ADAM12: variants seen among roughly 807,000 people sequenced by gnomAD.
The protein encoded by ADAM12 is ADAM metallopeptidase domain 12.
A neutral mutation model predicts 106.4 loss-of-function variants in ADAM12; 70 were observed. That is an observed-to-expected ratio of 0.66 (90% CI 0.54 to 0.80). The LOEUF is 0.80. Among genes scored for constraint, ADAM12 ranks in the 30% least tolerant of loss-of-function variants. The probability of loss-of-function intolerance (pLI) is 0.00; values close to 1 mark genes in which losing one functional copy is unlikely to be tolerated. For synonymous variants in ADAM12, 420 were observed against 433.5 expected, an observed-to-expected ratio of 0.97 and a Z score of 0.39; for missense variants, 1,010 against 1,171.9, an observed-to-expected ratio of 0.86 and a Z score of 2.02.
intron 1 of ADAM12, among the ~76,000 whole-genome samples, chr10:126,373,732 C>T (rs1255346318): frequency 6.6e-6 from 1 of 152,160 alleles, no homozygotes; most frequent in Non-Finnish European, 1.5e-5. Flanking sequence ...CTTTCTACTA[C>T]AAACACAGAA....
At chr10:126,254,602 G>C (rs772484980) in intron 3 of ADAM12, among the ~76,000 whole-genome samples, 5 of 152,132 alleles carry the variant, frequency 3.3e-5, no homozygotes, top group African/African-American at 4.8e-5. Context: ...CCAGGCGGGA[G>C]GCCCTTTCCT....
intron 11 of ADAM12, among the ~76,000 whole-genome samples, chr10:126,084,162 A>C (rs1159938447): frequency 6.6e-6 from 1 of 152,094 alleles, no homozygotes. Flanking sequence ...TGCAAATATA[A>C]TTTCCCAGAA....
At chr10:126,144,877 C>T (rs929530074) in intron 4 of ADAM12, among the ~76,000 whole-genome samples, 15 of 152,178 alleles carry the variant, frequency 9.9e-5, no homozygotes, top group East Asian at 5.8e-4. Flanking sequence ...TCTGTTTCAT[C>T]GTCACATCCC....
At chr10:126,362,186 A>G (rs1170792828) in intron 1 of ADAM12, among the ~76,000 whole-genome samples, 5 of 152,182 alleles carry the variant, frequency 3.3e-5, no homozygotes, top group Admixed American at 2.6e-4. Context: ...ATATGAAAAA[A>G]AGTCCAACAT....
chr10:126,284,847 T>C (rs993473903), intron 2 of ADAM12, among the ~76,000 whole-genome samples: 1 of 152,256 alleles, frequency 6.6e-6, no homozygotes, highest in African/African-American at 2.4e-5. Flanking sequence ...TTCACTTTGA[T>C]TTGTCCTCCT....
chr10:126,182,651 T>C (rs529737298), intron 3 of ADAM12, among the ~76,000 whole-genome samples: 67 of 152,224 alleles, frequency 4.4e-4, no homozygotes, highest in African/African-American at 1.3e-3. Flanking sequence ...TTCATGTAAG[T>C]TGCTGCGGGG....
Position 126,064,670 on chromosome 10 carries a change from G to T in ADAM12, c.1609+136C>A, listed in dbSNP as rs145426281. 143 of 958,014 alleles carry T rather than the reference G, an allele frequency of 1.5e-4. No homozygotes were observed. Among genetic ancestry groups the T allele is most frequent in the Middle Eastern group, 3.3e-4 (1 of 3,018 alleles). 59.3% of individuals were successfully genotyped at this position (958,014 alleles called of 1,614,324 possible). On this transcript the variant is annotated intron_variant, in intron 14 of 22. Transcript: ENST00000448723. This position sits in a 1 kb window ranked among gnomAD's most constrained non-coding sequence, Gnocchi z 4.4. Reference sequence around the variant, plus strand: ...CCCTCCCTGGGAGTCAATCACTCCCGACTGAACACACCGGATGCTGTGTGG... The same window carrying T: ...CCCTCCCTGGGAGTCAATCACTCCCTACTGAACACACCGGATGCTGTGTGG...
intron 3 of ADAM12, among the ~76,000 whole-genome samples, chr10:126,245,295 A>G (rs1473135935): frequency 2.6e-5 from 4 of 152,228 alleles, no homozygotes; most frequent in Non-Finnish European, 5.9e-5. Context: ...GCAGCCAGGC[A>G]AGGAAGAGGA....
At chr10:126,369,240 C>A (rs543961119) in intron 1 of ADAM12, among the ~76,000 whole-genome samples, 3 of 152,090 alleles carry the variant, frequency 2.0e-5, no homozygotes, top group East Asian at 1.9e-4. Flanking sequence ...AAAAGCAGCA[C>A]ACCAAGTGGG....
At position 126,071,631 on chromosome 10, in the gene ADAM12, C is replaced by G; in HGVS notation, c.1169G>C (p.Ser390Thr). 6.2e-7 allele frequency: 1 copy of G among 1,614,136 alleles called. No homozygotes were observed. Among genetic ancestry groups the G allele is most frequent in the Non-Finnish European group, 8.5e-7 (1 of 1,180,000 alleles). The stretch of plus-strand genomic sequence containing the variant: ...CTCCAAGTCCTTCCTGCTGCAACTG[C>G]TGAACACCATGGGAAATGGGTACCT... ...STGYPFPMVF[S>T]SCSRKDLETS... The change falls in exon 12 of 23, where the codon AGC becomes ACC. Residue 390 changes from serine to threonine, a missense_variant. Physicochemically the swap from Ser to Thr is moderately conservative, Grantham distance 58. Transcript: ENST00000448723.
At chr10:126,368,356 G>GTTTT (rs34317249) in intron 1 of ADAM12, among the ~76,000 whole-genome samples, 8 of 118,386 alleles carry the variant, frequency 6.8e-5, no homozygotes, top group South Asian at 2.8e-4. Flanking sequence ...TGTGTGATTT[G>GTTTT]TTTTTTTTTT....
rs1310105247 is a variant in ADAM12 at position 126,098,478 on chromosome 10, T to C, written c.934A>G (p.Thr312Ala). 1 of 1,614,060 alleles carries C rather than the reference T, an allele frequency of 6.2e-7. No homozygotes were observed. Among genetic ancestry groups the C allele is most frequent in the Admixed American group, 1.7e-5 (1 of 60,026 alleles). The change falls in exon 10 of 23, where the codon ACC becomes GCC. Residue 312 changes from threonine to alanine, a missense_variant. Physicochemically the swap from Thr to Ala is moderately conservative, Grantham distance 58 (BLOSUM62 0). Coordinates refer to ENST00000448723, the MANE Select transcript of ADAM12 (RefSeq NM_001288973.2). ...LVSGVYFQGT[T>A]IGMAPIMSMC... ...CTCATGATTGGGGCCATGCCGATGG[T>C]GGTCCCTTGGAAATAAACCCCACTA...
intron 3 of ADAM12, among the ~76,000 whole-genome samples, chr10:126,171,832 ATT>A (rs1490269012): frequency 1.3e-5 from 2 of 152,208 alleles, no homozygotes; most frequent in Non-Finnish European, 2.9e-5. Flanking sequence ...TTCAGATGGG[ATT>A]TATGGTTTCA....
At chr10:126,152,783 A>T (rs1279166619) in intron 4 of ADAM12, among the ~76,000 whole-genome samples, 2 of 152,158 alleles carry the variant, frequency 1.3e-5, no homozygotes, top group African/African-American at 2.4e-5. Flanking sequence ...ACTCATTTTT[A>T]TCTTGCTATT....
intron 3 of ADAM12, among the ~76,000 whole-genome samples, chr10:126,236,565 C>CG (rs994233849): frequency 5.3e-5 from 8 of 151,964 alleles, no homozygotes; most frequent in African/African-American, 7.3e-5. Flanking sequence ...CACGGCTCTG[C>CG]GGGGGGAGCT....
chr10:126,018,787 G>C (rs1319384598), intron 22 of ADAM12, among the ~76,000 whole-genome samples: 1 of 152,142 alleles, frequency 6.6e-6, no homozygotes, highest in Non-Finnish European at 1.5e-5. Context: ...AGGATAAGCT[G>C]TGAAAGGTGA....
chr10:126,253,637 C>T (rs913402103), intron 3 of ADAM12, among the ~76,000 whole-genome samples: 1 of 152,216 alleles, frequency 6.6e-6, no homozygotes, highest in Non-Finnish European at 1.5e-5. Context: ...CCAGAGAAAA[C>T]CCTGCTCCTC....
intron 10 of ADAM12, among the ~76,000 whole-genome samples, chr10:126,094,632 T>C (rs1374671209): frequency 6.6e-6 from 1 of 152,254 alleles, no homozygotes; most frequent in Admixed American, 6.5e-5. Flanking sequence ...TGCCTCTTCC[T>C]GTGTGCTTGG....
intron 10 of ADAM12, among the ~76,000 whole-genome samples, chr10:126,094,765 GCT>G (rs975967819): frequency 2.0e-5 from 3 of 152,180 alleles, no homozygotes; most frequent in Non-Finnish European, 4.4e-5. Context: ...ATTCTTGCTG[GCT>G]CTTTGTGTTG....
Sources: gnomAD v4.1 joint callset for allele counts (sites outside exome capture counted in the v4.1 genomes callset) on GRCh38, gnomAD v4.1.1 for gene constraint, Gnocchi (gnomAD v3.1) non-coding constraint, MANE v1.5 for transcripts, NCBI Gene and HGNC (gene_info 2026-07-23, HGNC 2026-07-21) for gene names.